DNAH11: variants seen among roughly 807,000 people sequenced by gnomAD.
DNAH11 encodes axonemal beta dynein heavy chain 11.
DNAH11 carries 442 observed loss-of-function variants against 526.0 expected under a neutral mutation model. The observed-to-expected ratio is 0.84, with a 90% CI of 0.78 to 0.91. The LOEUF (loss-of-function observed/expected upper bound fraction) is 0.91. Ranked by LOEUF, DNAH11 falls within the 40% of genes least tolerant of loss-of-function variation. DNAH11 has a pLI of 0.00. For missense variants in DNAH11, 6,989 were observed against 5,448.7 expected (o/e 1.28, Z -8.90); for synonymous variants, 2,461 against 1,935.9 (o/e 1.27, Z -7.12).
At chr7:21,681,174 C>T (rs2128472237) in intron 30 of DNAH11, among the ~76,000 whole-genome samples, 1 of 152,220 alleles carries the variant, frequency 6.6e-6, no homozygotes, top group East Asian at 1.9e-4. Flanking sequence ...TGCCTGTAAT[C>T]CCAGCATTTT....
chr7:21,866,776 ATTC>A, intron 71 of DNAH11, 113 bp downstream of exon 71: 2 of 1,156,400 alleles, frequency 1.7e-6, no homozygotes, highest in Non-Finnish European at 2.4e-6. Flanking sequence ...ATGGGGAGTG[ATTC>A]TGCTGAGATT....
At position 21,675,252 on chromosome 7, in the gene DNAH11, C is replaced by A. The variant is rs373476851; in HGVS notation, c.5329-6294C>A. Reference sequence around the variant, plus strand: ...TGCCTTCCTCTGCAGCATCCTTACACACCCCTCCTTCCTATGCCGCCCACT... The same window carrying A: ...TGCCTTCCTCTGCAGCATCCTTACAAACCCCTCCTTCCTATGCCGCCCACT... On this transcript the variant is annotated intron_variant, in intron 30 of 81. Coordinates refer to ENST00000409508, the MANE Select transcript of DNAH11 (RefSeq NM_001277115.2). 2.7e-4 allele frequency among the ~76,000 whole-genome samples: 41 copies of A among 152,348 alleles called. No individual in the cohort carries two copies. In the East Asian group the frequency reaches 7.0e-3, roughly 26 times the overall value.
intron 65 of DNAH11, among the ~76,000 whole-genome samples, chr7:21,829,821 G>A (rs1562570919): frequency 6.6e-6 from 1 of 152,170 alleles, no homozygotes; most frequent in Admixed American, 6.5e-5. Context: ...TTAAGATAAT[G>A]GTTCCTCTCT....
At chr7:21,678,013 C>A (rs947976068) in intron 30 of DNAH11, among the ~76,000 whole-genome samples, 1 of 152,016 alleles carries the variant, frequency 6.6e-6, no homozygotes, top group African/African-American at 2.4e-5. Flanking sequence ...TCTTCCATTC[C>A]ATAGGCTACC....
At chr7:21,631,421 T>C (rs1170609653) in intron 25 of DNAH11, among the ~76,000 whole-genome samples, 1 of 152,116 alleles carries the variant, frequency 6.6e-6, no homozygotes, top group East Asian at 1.9e-4. Context: ...AGTCCACAGT[T>C]GTTCAAAGTC....
chr7:21,748,158 C>T (rs1231051709), intron 51 of DNAH11, among the ~76,000 whole-genome samples: 1 of 21,142 alleles, frequency 4.7e-5, no homozygotes, highest in Admixed American at 5.0e-4. Context: ...GGAATTTAGT[C>T]TCTCACTATA....
chr7:21,622,313 T>C (rs1166519323), intron 25 of DNAH11, among the ~76,000 whole-genome samples: 1 of 152,000 alleles, frequency 6.6e-6, no homozygotes, highest in African/African-American at 2.4e-5. Context: ...CTCAATGAAA[T>C]AAAAGAGGAT....
intron 25 of DNAH11, among the ~76,000 whole-genome samples, chr7:21,622,170 C>G (rs1339473870): frequency 3.3e-5 from 5 of 152,082 alleles, no homozygotes; most frequent in Admixed American, 6.6e-5. Flanking sequence ...TCTTATACAC[C>G]AATAACAGAC....
rs537504015 is a variant in DNAH11 at position 21,884,773 on chromosome 7, C to A, written c.12507+363C>A. Among the ~76,000 whole-genome samples the A allele has an allele frequency of 1.1e-4, 17 of 152,338 alleles. No individual in the cohort carries two copies. In the South Asian group the frequency reaches 1.9e-3, roughly 17 times the overall value. On this transcript the variant is annotated intron_variant, in intron 76 of 81. Transcript: ENST00000409508. Reference sequence around the variant, plus strand: ...AAACATGGGGATTTGCCCCAGGCCACTAGGTTGGCACAGGCAAGAGTTTTG... The same window carrying A: ...AAACATGGGGATTTGCCCCAGGCCAATAGGTTGGCACAGGCAAGAGTTTTG...
At chr7:21,625,071 TCTC>T (rs1419634365) in intron 25 of DNAH11, among the ~76,000 whole-genome samples, 2 of 148,612 alleles carry the variant, frequency 1.3e-5, no homozygotes, top group Non-Finnish European at 3.0e-5. Flanking sequence ...TGGAAGTATT[TCTC>T]CTTAAGTTTT....
chr7:21,559,667 C>G lies in DNAH11; in HGVS notation c.757C>G (p.Gln253Glu), dbSNP rs772084560. The G allele has an allele frequency of 2.5e-6, 4 of 1,612,084 alleles. No individual in the cohort carries two copies. Among genetic ancestry groups the G allele is most frequent in the East Asian group, 2.2e-5 (1 of 44,790 alleles). ...IESVVIEWSH[Q>E]IQEIIERDSV... ...ATCTGTGGTTATTGAATGGTCACAT[C>G]AAATCCAAGAAATTATAGAAAGAGA... Residue 253 changes from glutamine (Q) to glutamate (E), a missense_variant, in exon 4 of 82, where the codon CAA becomes GAA. By Grantham distance (29) the Gln-to-Glu change is conservative. Transcript: ENST00000409508.
intron 54 of DNAH11, among the ~76,000 whole-genome samples, chr7:21,754,730 C>T (rs943612529): frequency 6.6e-6 from 1 of 152,134 alleles, no homozygotes; most frequent in Non-Finnish European, 1.5e-5. Context: ...TTCTGATCCC[C>T]TTTGGCCTTG....
chr7:21,678,210 A>G (rs1307109101), intron 30 of DNAH11, among the ~76,000 whole-genome samples: 1 of 150,542 alleles, frequency 6.6e-6, no homozygotes, highest in Non-Finnish European at 1.5e-5. Context: ...TTCAGGTCTT[A>G]TCTTTAAGTC....
intron 2 of DNAH11, among the ~76,000 whole-genome samples, chr7:21,556,004 G>T (rs1783204992): frequency 6.6e-6 from 1 of 152,176 alleles, no homozygotes; most frequent in Non-Finnish European, 1.5e-5. Context: ...TGGTAGGCAG[G>T]CACACCCGAG....
intron 79 of DNAH11, 77 bp from the exon 80 acceptor site, chr7:21,899,259 C>A: frequency 8.4e-7 from 1 of 1,184,758 alleles, no homozygotes; most frequent in South Asian, 1.2e-5. Context: ...CCTGCCCTAA[C>A]CGCCCACAAC....
rs538877845 is a variant in DNAH11, at chr7:21,706,013, A to G, written c.6546+476A>G. ...AGTCATCCTTGATTCTCCTCCCCATATCATTCAGAAAAACAAACCGAAATA... is the reference window on the plus strand; with the variant it reads ...AGTCATCCTTGATTCTCCTCCCCATGTCATTCAGAAAAACAAACCGAAATA... On this transcript the variant is annotated intron_variant, in intron 39 of 81. Transcript: ENST00000409508. Among the ~76,000 whole-genome samples the G allele has an allele frequency of 1.6e-4, 25 of 152,258 alleles. No homozygotes were observed. The South Asian group carries it at 1.9e-3, about 11-fold the overall frequency.
chr7:21,571,577 C>A (rs1251028186), intron 7 of DNAH11, among the ~76,000 whole-genome samples: 1 of 151,936 alleles, frequency 6.6e-6, no homozygotes, highest in African/African-American at 2.4e-5. Flanking sequence ...CTGTGCCTGG[C>A]CAGTGAGAGT....
chr7:21,696,253 A>G (rs948294080), intron 35 of DNAH11, among the ~76,000 whole-genome samples: 4 of 152,166 alleles, frequency 2.6e-5, no homozygotes, highest in Non-Finnish European at 5.9e-5. Flanking sequence ...GTATTTAACC[A>G]TATTTCATTT....
intron 25 of DNAH11, among the ~76,000 whole-genome samples, chr7:21,625,026 G>A (rs79612525): frequency 0.027 from 4,168 of 151,888 alleles, 193 homozygotes; most frequent in African/African-American, 0.095. Flanking sequence ...GTTTGGCTTT[G>A]GTATCAGAAT....
Sources: gnomAD v4.1 joint callset for allele counts (sites outside exome capture counted in the v4.1 genomes callset) on GRCh38, gnomAD v4.1.1 for gene constraint, MANE v1.5 for transcripts, NCBI Gene and HGNC (gene_info 2026-07-23, HGNC 2026-07-21) for gene names.